The following CHN2 variants were observed in gnomAD, a reference collection of about 807,000 sequenced individuals.
CHN2 encodes the protein beta-chimaerin.
Under a neutral mutation model 56.3 loss-of-function variants are expected in CHN2, and 35 were observed. That is an observed-to-expected ratio of 0.62 (90% CI 0.47 to 0.82). CHN2 has a LOEUF of 0.82. Ranked by LOEUF, CHN2 falls within the 40% of genes least tolerant of loss-of-function variation. CHN2 has a pLI of 0.00. For missense variants in CHN2, 491 were observed against 580.5 expected (o/e 0.85, Z 1.58); for synonymous variants, 210 against 212.8 (o/e 0.99, Z 0.12).
chr7:29,223,713 C>CA (rs1785977808), intron 1 of CHN2, among the ~76,000 whole-genome samples: 1 of 151,962 alleles, frequency 6.6e-6, no homozygotes, highest in Non-Finnish European at 1.5e-5. Context: ...GGGATTATTA[C>CA]AAAAAATATT....
chr7:29,367,926 T>C lies in CHN2; in HGVS notation c.89-6T>C. 6.2e-7 allele frequency: 1 copy of C among 1,609,318 alleles called. No homozygotes were observed. Among genetic ancestry groups the C allele is most frequent in the South Asian group, 1.1e-5 (1 of 90,224 alleles). ...TTTCTCTCTCTCTCTCTCTCTTTTT[T>C]GGCAGTATATCAGTTACAGCAAGAG... is the stretch of plus-strand genomic sequence containing the variant. On this transcript the variant is annotated splice_polypyrimidine_tract_variant and splice_region_variant and intron_variant, in intron 2 of 12. Coordinates refer to ENST00000222792, the MANE Select transcript of CHN2 (RefSeq NM_004067.4).
intron 1 of CHN2, among the ~76,000 whole-genome samples, chr7:29,305,151 C>A (rs757856752): frequency 6.6e-6 from 1 of 152,114 alleles, no homozygotes; most frequent in African/African-American, 2.4e-5. Context: ...ACAGAGGATA[C>A]GACAGGCAGG....
intron 3 of CHN2, among the ~76,000 whole-genome samples, chr7:29,379,983 A>G (rs1325925809): frequency 6.6e-6 from 1 of 152,218 alleles, no homozygotes; most frequent in Non-Finnish European, 1.5e-5. Context: ...AAAAATTAAT[A>G]GAGAACAGGC....
intron 8 of CHN2, among the ~76,000 whole-genome samples, chr7:29,498,324 C>G (rs1023511102): frequency 6.6e-6 from 1 of 152,158 alleles, no homozygotes; most frequent in African/African-American, 2.4e-5. Context: ...CAACAGGAAA[C>G]CCAGCCAACT....
chr7:29,365,653 G>A (rs1248337897), intron 2 of CHN2, among the ~76,000 whole-genome samples: 1 of 152,150 alleles, frequency 6.6e-6, no homozygotes, highest in African/African-American at 2.4e-5. Flanking sequence ...GAGGTTGAAG[G>A]GAACACTGTG....
At chr7:29,414,392 C>T (rs1001504502) in intron 6 of CHN2, among the ~76,000 whole-genome samples, 22 of 152,228 alleles carry the variant, frequency 1.4e-4, no homozygotes, top group African/African-American at 3.9e-4. Context: ...AGTGCTAGCA[C>T]GCACGGGGTA....
At chr7:29,357,251 C>A (rs1434176884) in intron 2 of CHN2, among the ~76,000 whole-genome samples, 1 of 152,166 alleles carries the variant, frequency 6.6e-6, no homozygotes, top group Non-Finnish European at 1.5e-5. Context: ...TTTATTATAT[C>A]CAACTAATAG....
chr7:29,498,758 C>CTT (rs138784356), intron 8 of CHN2, among the ~76,000 whole-genome samples: 15 of 100,070 alleles, frequency 1.5e-4, no homozygotes, highest in Non-Finnish European at 2.6e-4. Flanking sequence ...ACTATGCTGC[C>CTT]TTTTTTTTTT....
chr7:29,322,309 T>C (rs1795417933), intron 1 of CHN2, among the ~76,000 whole-genome samples: 1 of 152,182 alleles, frequency 6.6e-6, no homozygotes, highest in African/African-American at 2.4e-5. Flanking sequence ...GCAGGGGCAG[T>C]GTCCTGCAGA....
rs1199927984 is a variant in CHN2 at position 29,342,815 on chromosome 7, T to C, written c.50-11810T>C. On this transcript the variant is annotated intron_variant, in intron 1 of 12. Coordinates refer to ENST00000222792, the MANE Select transcript of CHN2 (RefSeq NM_004067.4). ...CTTTCTACCTTGTGTTATGGTGATA[T>C]GTACATGTGGCCAGGGGCCGGATAC... Among the ~76,000 whole-genome samples the C allele has an allele frequency of 3.9e-5, 6 of 152,238 alleles. No individual in the cohort carries two copies. In the South Asian group the frequency reaches 8.3e-4, roughly 21 times the overall value.
At chr7:29,267,315 T>C (rs1236688306) in intron 1 of CHN2, among the ~76,000 whole-genome samples, 3 of 151,868 alleles carry the variant, frequency 2.0e-5, no homozygotes, top group Non-Finnish European at 2.9e-5. Flanking sequence ...TGATCTTGGC[T>C]CACTGCAACC....
chr7:29,313,621 C>T (rs1250983381), intron 1 of CHN2, among the ~76,000 whole-genome samples: 1 of 152,168 alleles, frequency 6.6e-6, no homozygotes, highest in Admixed American at 6.5e-5. Context: ...AGTATTTGAC[C>T]AACCCTGGAA....
chr7:29,203,572 G>A (rs1447823559), intron 1 of CHN2, among the ~76,000 whole-genome samples: 1 of 150,106 alleles, frequency 6.7e-6, no homozygotes, highest in African/African-American at 2.5e-5. Flanking sequence ...GTAACTACTA[G>A]AATATTTGAA....
In CHN2 at chr7:29,194,957, A is replaced by G. The variant is rs1783465086; in HGVS notation, c.16A>G (p.Asn6Asp). Residue 6 changes from asparagine to aspartate, a missense_variant, in exon 1 of 13, where the codon AAC (asparagine) becomes GAC (aspartate). By Grantham distance (23) the Asn-to-Asp change is conservative. Transcript: ENST00000222792. ...GCGCGCGGAGATGGCAGCGTCCAGC[A>G]ACTCCAGCCTGTCCGGCTCGTCGGT... The part of the protein sequence containing the change: MAASS[N>D]SSLSGSSVSS... 1.9e-6 allele frequency: 3 copies of G among 1,576,314 alleles called. No individual in the cohort carries two copies. The highest frequency in any genetic ancestry group is 2.6e-6 in the Non-Finnish European group (3 of 1,164,426).
chr7:29,368,373 T>C (rs1799341231), intron 3 of CHN2, among the ~76,000 whole-genome samples: 1 of 152,148 alleles, frequency 6.6e-6, no homozygotes, highest in African/African-American at 2.4e-5. Context: ...TCAACGCCCA[T>C]ATTTAGTAAA....
At chr7:29,226,119 G>A (rs1030858231) in intron 1 of CHN2, among the ~76,000 whole-genome samples, 5 of 152,008 alleles carry the variant, frequency 3.3e-5, no homozygotes, top group Admixed American at 1.3e-4. Context: ...AATTCTCTGT[G>A]GGGAAAAAAC....
chr7:29,465,658 C>T (rs1254661447), intron 6 of CHN2, among the ~76,000 whole-genome samples: 1 of 152,168 alleles, frequency 6.6e-6, no homozygotes, highest in Non-Finnish European at 1.5e-5. Context: ...AACTTGTCAC[C>T]ATTTTTAGAG....
In CHN2 at chr7:29,151,721, C is replaced by A. The variant is rs115752461; in HGVS notation, c.274+4761C>A. Among the ~76,000 whole-genome samples the A allele has an allele frequency of 2.9e-3, 445 of 152,276 alleles. 3 individuals are homozygous for A. The highest frequency in any genetic ancestry group is 0.01 in the African/African-American group (416 of 41,530). ...GAGTAGACCGATGGCATCTGAATCC[C>A]AGCTCAGCCACTCATTAGCTGTGTG... On this transcript the variant is annotated intron_variant, in intron 2 of 6. Coordinates refer to the CHN2 transcript ENST00000439384.
chr7:29,298,972 T>A (rs1178834710), intron 1 of CHN2, among the ~76,000 whole-genome samples: 1 of 152,212 alleles, frequency 6.6e-6, no homozygotes, highest in East Asian at 1.9e-4. Flanking sequence ...GGATAACTAT[T>A]TTTACCAAGG....
Sources: allele counts gnomAD v4.1 joint callset (sites outside exome capture counted in the v4.1 genomes callset), GRCh38; gene constraint gnomAD v4.1.1; transcripts MANE v1.5; gene names NCBI Gene and HGNC (gene_info 2026-07-23, HGNC 2026-07-21).